ATP13A4: variants seen among roughly 807,000 people sequenced by gnomAD.
The protein encoded by ATP13A4 is ATPase 13A4.
A neutral mutation model predicts 142.5 loss-of-function variants in ATP13A4; 114 were observed. The ratio of observed to expected loss-of-function variants is 0.80; its 90% CI spans 0.69 to 0.93. The LOEUF (loss-of-function observed/expected upper bound fraction) is 0.93, where lower values mean the gene tolerates loss of function less well. Among genes scored for constraint, ATP13A4 ranks in the 40% least tolerant of loss-of-function variants. The pLI, the probability that ATP13A4 is intolerant of heterozygous loss-of-function variation, is 0.00. For synonymous variants in ATP13A4, 488 were observed against 514.8 expected (o/e 0.95, Z 0.70); for missense variants, 1,392 against 1,454.0 (o/e 0.96, Z 0.69).
At chr3:193,441,703 C>T in intron 19 of ATP13A4, 115 bp from the exon 20 acceptor site, 1 of 1,266,664 alleles carries the variant, frequency 7.9e-7, no homozygotes, top group Non-Finnish European at 1.1e-6. Flanking sequence ...GTAAAAGTCA[C>T]TCTGATTCCT....
intron 7 of ATP13A4, among the ~76,000 whole-genome samples, chr3:193,489,044 A>G (rs955708376): frequency 1.3e-5 from 2 of 152,154 alleles, no homozygotes; most frequent in African/African-American, 4.8e-5. Flanking sequence ...TATGGCTTCC[A>G]TCTTTTTTTG....
At chr3:193,423,990 A>C (rs186767049) in intron 25 of ATP13A4, among the ~76,000 whole-genome samples, 1 of 149,870 alleles carries the variant, frequency 6.7e-6, no homozygotes, top group Admixed American at 6.9e-5. Context: ...TTTAGAACCC[A>C]AAATCAACAT....
chr3:193,520,848 C>A (rs1009011162), intron 1 of ATP13A4, among the ~76,000 whole-genome samples: 1 of 152,174 alleles, frequency 6.6e-6, no homozygotes, highest in African/African-American at 2.4e-5. Flanking sequence ...GAACTGGCCA[C>A]AGCTGGCAGA....
At chr3:193,578,685 C>G (rs971795254) in intron 2 of ATP13A4, 1 of 152,136 alleles carries the variant, frequency 6.6e-6, no homozygotes, top group African/African-American at 2.4e-5. Flanking sequence ...CTGGACAGAA[C>G]AAAAAGGGAG....
chr3:193,563,967 C>T (rs1381321007), intron 2 of ATP13A4, among the ~76,000 whole-genome samples: 1 of 152,102 alleles, frequency 6.6e-6, no homozygotes, highest in Non-Finnish European at 1.5e-5. Flanking sequence ...AGAAGTTGAA[C>T]AGTACTTGAG....
At chr3:193,516,179 T>A (rs888487792) in intron 1 of ATP13A4, among the ~76,000 whole-genome samples, 1 of 152,192 alleles carries the variant, frequency 6.6e-6, no homozygotes, top group African/African-American at 2.4e-5. Context: ...AGTTGGAACA[T>A]AAAACTTTAA....
chr3:193,579,148 A>G (rs1724475073), intron 2 of ATP13A4: 2 of 159,586 alleles, frequency 1.3e-5, no homozygotes, highest in Non-Finnish European at 2.8e-5. Context: ...CTAAGGCAAC[A>G]GCGATAGTCA....
chr3:193,426,486 C>A (rs932967124), intron 25 of ATP13A4, among the ~76,000 whole-genome samples: 1 of 151,748 alleles, frequency 6.6e-6, no homozygotes. Context: ...ATTTAAATAG[C>A]TATTTTTAGA....
rs1576990997 is a variant in ATP13A4 at position 193,464,800 on chromosome 3, G to T, written c.1461+140C>A. 3.3e-6 allele frequency: 3 copies of T among 910,276 alleles called. No individual in the cohort carries two copies. The South Asian group carries it at 4.4e-5, about 13-fold the overall frequency. 56.4% of individuals were successfully genotyped at this position (910,276 alleles called of 1,614,324 possible). A position where few individuals can be genotyped will look rare whatever the true frequency, so the allele number is the denominator to read the frequency against. On this transcript the variant is annotated intron_variant, in intron 12 of 29. Coordinates refer to ENST00000342695, the MANE Select transcript of ATP13A4 (RefSeq NM_032279.4). ...GAGCTCAAGAGACATATCTTTCCCA[G>T]ATCATGCATCTAACCAGGGATAAAA...
Position 193,514,819 on chromosome 3 carries a change from C to T in ATP13A4, c.113G>A (p.Gly38Glu). 1 of 1,614,208 alleles carries T rather than the reference C, an allele frequency of 6.2e-7. No individual in the cohort carries two copies. Among genetic ancestry groups the T allele is most frequent in the Non-Finnish European group, 8.5e-7 (1 of 1,180,032 alleles). Residue 38 changes from glycine (G) to glutamate (E), a missense_variant, in exon 2 of 30, where the codon GGA becomes GAA. Coordinates refer to ENST00000342695, the MANE Select transcript of ATP13A4 (RefSeq NM_032279.4). Reference sequence around the variant, plus strand: ...GAGGATTCCAAATGAGAAGATGGATCCGGCAAGGCAGAGACTTTTCCGGCA... The same window carrying T: ...GAGGATTCCAAATGAGAAGATGGATTCGGCAAGGCAGAGACTTTTCCGGCA... Reference protein sequence around the residue: ...QGCRKSLCLAGSIFSFGILPL... With the variant: ...QGCRKSLCLAESIFSFGILPL...
chr3:193,463,424 TAAAAAAAAAAAAA>T (rs11336311), intron 12 of ATP13A4, among the ~76,000 whole-genome samples: 88 of 95,986 alleles, frequency 9.2e-4, no homozygotes, highest in African/African-American at 3.1e-3. Flanking sequence ...TGCTATTTGG[TAAAAAAAAAAAAA>T]AAAAAAAAAA....
Position 193,508,480 on chromosome 3 carries a change from T to C in ATP13A4, c.235-5841A>G, listed in dbSNP as rs141242393. ...CTGAGAATTTTGTTTAATTTCTCTA[T>C]GCCTCCATCTGTAAAACTGGAGAAA... On this transcript the variant is annotated intron_variant, in intron 2 of 29. Transcript: ENST00000342695. Among the ~76,000 whole-genome samples the C allele has an allele frequency of 3.7e-3, 568 of 152,348 alleles. 3 individuals are homozygous for C. The highest frequency in any genetic ancestry group is 6.3e-3 in the Non-Finnish European group (427 of 68,036).
At chr3:193,446,807 G>A (rs1207382895) in intron 18 of ATP13A4, among the ~76,000 whole-genome samples, 1 of 152,150 alleles carries the variant, frequency 6.6e-6, no homozygotes, top group East Asian at 1.9e-4. Context: ...AAGTTTATGT[G>A]CAGAAAAGAG....
At chr3:193,483,072 T>A (rs1467495609) in intron 8 of ATP13A4, among the ~76,000 whole-genome samples, 1 of 152,154 alleles carries the variant, frequency 6.6e-6, no homozygotes, top group Non-Finnish European at 1.5e-5. Context: ...AATCAATGAT[T>A]GATACACTTA....
At chr3:193,457,292 C>A in intron 15 of ATP13A4, 87 bp downstream of exon 15, 1 of 1,572,528 alleles carries the variant, frequency 6.4e-7, no homozygotes, top group South Asian at 1.1e-5. Context: ...AATTCAAAGA[C>A]ACATCTGTGA....
intron 1 of ATP13A4, among the ~76,000 whole-genome samples, chr3:193,546,029 G>T: frequency 7.0e-6 from 1 of 142,676 alleles, no homozygotes; most frequent in Admixed American, 7.2e-5. Flanking sequence ...GTGTGTTTTG[G>T]CAAGGACCCC....
Position 193,402,754 on chromosome 3 carries a change from A to T in ATP13A4, c.3489T>A (p.Ser1163Arg). The change falls in exon 30 of 30, where the codon AGT (serine) becomes AGA (arginine). Residue 1163 changes from serine to arginine, a missense_variant. By Grantham distance (110) the Ser-to-Arg change is moderately radical (BLOSUM62 -1). Transcript: ENST00000342695. ...IWQRDLANDP[S>R]WPPLNQTSHS... is the part of the protein sequence containing the mutation. ...GGGAGGTTTGGTTTAGCGGGGGCCA[A>T]CTAGGGTCATTTGCCAAGTCCCTCT... 3 of 1,613,372 alleles carry T rather than the reference A, an allele frequency of 1.9e-6. No individual in the cohort carries two copies. The highest frequency in any genetic ancestry group is 1.1e-5 in the South Asian group (1 of 91,052).
intron 29 of ATP13A4, among the ~76,000 whole-genome samples, 167 bp downstream of exon 29, chr3:193,407,146 G>T (rs576185054): frequency 6.6e-6 from 1 of 152,200 alleles, no homozygotes; most frequent in South Asian, 2.1e-4. Flanking sequence ...CGTCCTGCTT[G>T]GGACTCATCA....
At chr3:193,456,659 C>T (rs756766851) in intron 16 of ATP13A4, among the ~76,000 whole-genome samples, 6 of 152,048 alleles carry the variant, frequency 3.9e-5, no homozygotes, top group South Asian at 2.1e-4. Flanking sequence ...AATCCACCAA[C>T]TATTGAAGTG....
Sources: gnomAD v4.1 joint callset for allele counts (sites outside exome capture counted in the v4.1 genomes callset) on GRCh38, gnomAD v4.1.1 for gene constraint, MANE v1.5 for transcripts, NCBI Gene and HGNC (gene_info 2026-07-23, HGNC 2026-07-21) for gene names.